Variants in ENTREP2 observed in about 807,000 individuals in gnomAD.
ENTREP2 encodes the protein protein ENTREP2.
At chr15:29,209,990 T>C in the ENTREP2 span, among the ~76,000 whole-genome samples, 1 of 152,212 alleles carries the variant, frequency 6.6e-6, no homozygotes, top group Non-Finnish European at 1.5e-5. Flanking sequence ...GAAGGTTTTG[T>C]ATAATGCTTT....
chr15:29,169,352 AC>A, the ENTREP2 span, among the ~76,000 whole-genome samples: 3 of 152,208 alleles, frequency 2.0e-5, no homozygotes, highest in Non-Finnish European at 4.4e-5. Flanking sequence ...ATCAAAATGT[AC>A]CCTAAATCTA....
chr15:29,318,406 C>T, the ENTREP2 span, among the ~76,000 whole-genome samples: 9 of 152,132 alleles, frequency 5.9e-5, no homozygotes, highest in Admixed American at 6.5e-5. Flanking sequence ...CTGCAAGCTC[C>T]GCCTCCTGGG....
At chr15:29,243,833 A>G in the ENTREP2 span, among the ~76,000 whole-genome samples, 1 of 152,250 alleles carries the variant, frequency 6.6e-6, no homozygotes, top group Non-Finnish European at 1.5e-5. Flanking sequence ...ACATGGGAAA[A>G]TACGTTAAAA....
At chr15:29,531,824 C>CCTGG in the ENTREP2 span, among the ~76,000 whole-genome samples, 1 of 152,108 alleles carries the variant, frequency 6.6e-6, no homozygotes, top group Non-Finnish European at 1.5e-5. Flanking sequence ...CACCACCACG[C>CCTGG]CTGGCTAATT....
chr15:29,630,183 CCTTT>C, the ENTREP2 span, among the ~76,000 whole-genome samples: 1 of 152,054 alleles, frequency 6.6e-6, no homozygotes, highest in African/African-American at 2.4e-5. Flanking sequence ...AAATTCTATT[CCTTT>C]GTCTGCGAAT....
chr15:29,383,506 G>A, the ENTREP2 span, among the ~76,000 whole-genome samples: 3 of 152,204 alleles, frequency 2.0e-5, no homozygotes, highest in Non-Finnish European at 4.4e-5. Flanking sequence ...CTCCTGTGAA[G>A]ACAAATTGCT....
the ENTREP2 span, among the ~76,000 whole-genome samples, chr15:29,529,969 C>A: frequency 4.6e-5 from 7 of 152,116 alleles, no homozygotes; most frequent in African/African-American, 1.7e-4. Context: ...TCTTGTCTAG[C>A]CTTTTGCATG....
At chr15:29,261,936 C>T in the ENTREP2 span, among the ~76,000 whole-genome samples, 1 of 144,946 alleles carries the variant, frequency 6.9e-6, no homozygotes, top group African/African-American at 2.6e-5. Flanking sequence ...AAAAAAAGAA[C>T]CACTAAGTAA....
At chr15:29,574,820 C>T in the ENTREP2 span, among the ~76,000 whole-genome samples, 3,268 of 152,252 alleles carry the variant, frequency 0.021, 104 homozygotes, top group African/African-American at 0.074. Context: ...GAGAGTTGTG[C>T]TTGGATCTCA....
the ENTREP2 span, among the ~76,000 whole-genome samples, chr15:29,177,939 A>G: frequency 6.6e-6 from 1 of 152,138 alleles, no homozygotes; most frequent in African/African-American, 2.4e-5. Context: ...GATGTGCTGC[A>G]GGGACACCCG....
chr15:29,170,787 CTG>C, the ENTREP2 span, among the ~76,000 whole-genome samples: 5 of 152,236 alleles, frequency 3.3e-5, no homozygotes, highest in Admixed American at 6.5e-5. Flanking sequence ...AGCCTCCTGA[CTG>C]TGAGAAATAA....
At chr15:29,593,209 T>C in the ENTREP2 span, among the ~76,000 whole-genome samples, 2 of 152,324 alleles carry the variant, frequency 1.3e-5, no homozygotes, top group Admixed American at 1.3e-4. Context: ...TATAACTATA[T>C]GTATAGTTAC....
At chr15:29,641,446 A>G in the ENTREP2 span, among the ~76,000 whole-genome samples, 1 of 152,242 alleles carries the variant, frequency 6.6e-6, no homozygotes, top group Non-Finnish European at 1.5e-5. Context: ...ATTAGAACTA[A>G]TAAATGAGTT....
At chr15:29,169,087 A>G in the ENTREP2 span, among the ~76,000 whole-genome samples, 3 of 152,260 alleles carry the variant, frequency 2.0e-5, no homozygotes, top group Non-Finnish European at 4.4e-5. Context: ...TTCTGTGTGT[A>G]TACACACTTT....
chr15:29,194,703 G>T, the ENTREP2 span, among the ~76,000 whole-genome samples: 1 of 152,138 alleles, frequency 6.6e-6, no homozygotes, highest in African/African-American at 2.4e-5. Context: ...ACCTGAGACT[G>T]CATTCTTAGA....
the ENTREP2 span, among the ~76,000 whole-genome samples, chr15:29,673,371 T>C: frequency 3.9e-5 from 6 of 152,138 alleles, no homozygotes; most frequent in African/African-American, 1.2e-4. Flanking sequence ...CTCAGCCTTA[T>C]TTCACCCAGC....
chr15:29,383,163 AT>A, the ENTREP2 span, among the ~76,000 whole-genome samples: 5 of 152,012 alleles, frequency 3.3e-5, no homozygotes, highest in African/African-American at 1.2e-4. Context: ...CTCGAGTACC[AT>A]CCACTGGTAT....
At chr15:29,527,822 A>C in the ENTREP2 span, among the ~76,000 whole-genome samples, 1 of 152,126 alleles carries the variant, frequency 6.6e-6, no homozygotes, top group Non-Finnish European at 1.5e-5. Context: ...AATTCAAAGT[A>C]AGCCCCCCTC....
chr15:29,622,899 A>T, the ENTREP2 span, among the ~76,000 whole-genome samples: 3 of 152,268 alleles, frequency 2.0e-5, no homozygotes, highest in Non-Finnish European at 4.4e-5. Context: ...GAGGCTTGTC[A>T]TAGTGATATG....
Sources: allele counts gnomAD v4.1 joint callset (sites outside exome capture counted in the v4.1 genomes callset), GRCh38; gene constraint gnomAD v4.1.1; transcripts MANE v1.5; gene names NCBI Gene and HGNC (gene_info 2026-07-23, HGNC 2026-07-21).